The following SESTD1 variants were observed in gnomAD, a reference collection of about 807,000 sequenced individuals.
SESTD1 encodes the protein SEC14 domain and spectrin repeat-containing protein 1.
In SESTD1, 43 loss-of-function variants were observed where a neutral mutation model predicts 101.7. That is an observed-to-expected ratio of 0.42 (90% confidence interval 0.33 to 0.55). SESTD1 has a LOEUF of 0.55. Among genes scored for constraint, SESTD1 ranks in the 20% least tolerant of loss-of-function variants. The pLI, the probability that SESTD1 is intolerant of heterozygous loss-of-function variation, is 0.07. For missense variants in SESTD1, 647 were observed against 815.1 expected, an observed-to-expected ratio of 0.79 and a Z score of 2.51; for synonymous variants, 283 against 286.8, an observed-to-expected ratio of 0.99 and a Z score of 0.13.
At chr2:179,262,803 T>C (rs950206180) in intron 1 of SESTD1, among the ~76,000 whole-genome samples, 3 of 152,206 alleles carry the variant, frequency 2.0e-5, no homozygotes, top group African/African-American at 7.2e-5. Context: ...GATATATCAT[T>C]AGTAGATTAC....
chr2:179,241,923 T>TA (rs534394486), intron 1 of SESTD1, among the ~76,000 whole-genome samples: 10,496 of 71,866 alleles, frequency 0.15, 383 homozygotes, highest in South Asian at 0.17. Flanking sequence ...CATTGTCTCA[T>TA]AAAAAAAAAA....
chr2:179,161,562 G>A (rs2045736728), intron 5 of SESTD1, among the ~76,000 whole-genome samples: 1 of 151,822 alleles, frequency 6.6e-6, no homozygotes, highest in Admixed American at 6.6e-5. Context: ...TCAGGAGGCT[G>A]AGGCAAGGAG....
chr2:179,164,138 G>A (rs1241280860), intron 5 of SESTD1, among the ~76,000 whole-genome samples: 1 of 152,152 alleles, frequency 6.6e-6, no homozygotes, highest in Non-Finnish European at 1.5e-5. Flanking sequence ...TGATGTGTAT[G>A]TCTGCTTGTA....
chr2:179,249,850 T>C (rs2047290078), intron 1 of SESTD1, among the ~76,000 whole-genome samples: 1 of 151,224 alleles, frequency 6.6e-6, no homozygotes, highest in Non-Finnish European at 1.5e-5. Flanking sequence ...AAAGACTGCC[T>C]TTCCTACAAA....
intron 2 of SESTD1, among the ~76,000 whole-genome samples, chr2:179,185,492 T>A (rs2046200293): frequency 7.1e-6 from 1 of 140,746 alleles, no homozygotes; most frequent in Admixed American, 7.4e-5. Flanking sequence ...ATATATACAA[T>A]ATATATTATA....
At chr2:179,129,230 A>T (rs965758365) in intron 10 of SESTD1, among the ~76,000 whole-genome samples, 1 of 152,158 alleles carries the variant, frequency 6.6e-6, no homozygotes, top group Non-Finnish European at 1.5e-5. Flanking sequence ...CAAAATTCTG[A>T]AGTAGTTTCA....
In SESTD1 at chr2:179,105,163, T is replaced by C. The variant is rs376172166; in HGVS notation, c.*4736A>G. 1.4e-5 allele frequency: 2 copies of C among 146,664 alleles called. No homozygotes were observed. The highest frequency in any genetic ancestry group is 5.3e-5 in the African/African-American group (2 of 37,892). 9.1% of individuals were successfully genotyped at this position (146,664 alleles called of 1,614,324 possible). Reference sequence around the variant, plus strand: ...ATAGCCAGCACTAATTGTGGTCTTTTCATGCTTTGTTCTGTTTTTTTTTTT... The same window carrying C: ...ATAGCCAGCACTAATTGTGGTCTTTCCATGCTTTGTTCTGTTTTTTTTTTT... On this transcript the variant is annotated 3_prime_UTR_variant, in exon 18 of 18. Coordinates refer to ENST00000428443, the MANE Select transcript of SESTD1 (RefSeq NM_178123.5).
intron 5 of SESTD1, among the ~76,000 whole-genome samples, chr2:179,159,841 CAAAG>C (rs753300685): frequency 6.6e-6 from 1 of 151,586 alleles, no homozygotes; most frequent in Non-Finnish European, 1.5e-5. Flanking sequence ...AAGAAAAAAA[CAAAG>C]AAAGAAACAT....
At chr2:179,249,056 A>T (rs2047274399) in intron 1 of SESTD1, among the ~76,000 whole-genome samples, 1 of 146,296 alleles carries the variant, frequency 6.8e-6, no homozygotes, top group Non-Finnish European at 1.5e-5. Context: ...GCATCACTGC[A>T]CTCCAGCCTG....
At chr2:179,256,780 C>T (rs1348188952) in intron 1 of SESTD1, among the ~76,000 whole-genome samples, 1 of 146,682 alleles carries the variant, frequency 6.8e-6, no homozygotes, top group African/African-American at 2.6e-5. Context: ...CCACTGAACT[C>T]CAGCCTAGGC....
At chr2:179,255,040 A>G (rs1420084641) in intron 1 of SESTD1, among the ~76,000 whole-genome samples, 1 of 152,172 alleles carries the variant, frequency 6.6e-6, no homozygotes, top group African/African-American at 2.4e-5. Flanking sequence ...TCAAACCCAT[A>G]TAAGATGGCG....
chr2:179,148,114 G>C (rs1209946658), intron 7 of SESTD1, among the ~76,000 whole-genome samples: 6 of 152,152 alleles, frequency 3.9e-5, no homozygotes, highest in Non-Finnish European at 7.4e-5. Context: ...GTTTGACTTT[G>C]TTTTAATCAA....
rs143610726 is a variant in SESTD1, at chr2:179,150,776, C to T, written c.483+502G>A. ...CGGAGGTTGCAGTGAGCTGAGATTGCGCCACAGCACTCCAGCCTGGGCAAC... is the reference window on the plus strand; with the variant it reads ...CGGAGGTTGCAGTGAGCTGAGATTGTGCCACAGCACTCCAGCCTGGGCAAC... On this transcript the variant is annotated intron_variant, in intron 6 of 17. Coordinates refer to ENST00000428443, the MANE Select transcript of SESTD1 (RefSeq NM_178123.5). 9.4e-3 allele frequency among the ~76,000 whole-genome samples: 1,432 copies of T among 151,622 alleles called. 14 individuals carry two copies. The highest frequency in any genetic ancestry group is 0.021 in the South Asian group (103 of 4,816).
intron 1 of SESTD1, among the ~76,000 whole-genome samples, chr2:179,230,745 A>G (rs1311128661): frequency 6.6e-6 from 1 of 152,090 alleles, no homozygotes; most frequent in Non-Finnish European, 1.5e-5. Context: ...AAAAGAAAAT[A>G]TTAGAACAGA....
At chr2:179,115,591 G>GA (rs1269912516) in intron 15 of SESTD1, among the ~76,000 whole-genome samples, 1 of 151,682 alleles carries the variant, frequency 6.6e-6, no homozygotes, top group African/African-American at 2.4e-5. Context: ...CTAAAAAAAT[G>GA]AAAAAAATTA....
chr2:179,253,234 A>C (rs978583466), intron 1 of SESTD1, among the ~76,000 whole-genome samples: 6 of 152,138 alleles, frequency 3.9e-5, no homozygotes, highest in African/African-American at 1.4e-4. Flanking sequence ...AAACAAACAA[A>C]CAAAAAAAAA....
chr2:179,260,692 G>C (rs1238649728), intron 1 of SESTD1, among the ~76,000 whole-genome samples: 1 of 152,114 alleles, frequency 6.6e-6, no homozygotes, highest in Non-Finnish European at 1.5e-5. Context: ...ACCGAAGCCA[G>C]GCATGGATAG....
rs770684461 is a variant in SESTD1 at position 179,215,853 on chromosome 2, C to T, written c.-25-23987G>A. On this transcript the variant is annotated intron_variant, in intron 1 of 17. Transcript: ENST00000428443. The stretch of plus-strand genomic sequence containing the variant: ...GGTTCATCATATGCAAATCAATAAA[C>T]GTAATCCATCACATAAACAGTACCA... 5.2e-5 allele frequency among the ~76,000 whole-genome samples: 7 copies of T among 134,922 alleles called. 1 individual carries two copies. Among genetic ancestry groups the T allele is most frequent in the Non-Finnish European group, 8.0e-5 (5 of 62,766 alleles). 88.5% of individuals were successfully genotyped at this position (134,922 alleles called of 152,430 possible).
chr2:179,172,503 A>G (rs1217773968), intron 4 of SESTD1, among the ~76,000 whole-genome samples: 1 of 152,200 alleles, frequency 6.6e-6, no homozygotes, highest in Non-Finnish European at 1.5e-5. Flanking sequence ...TCTCTGTACT[A>G]GGAATATGTT....
Sources: allele counts gnomAD v4.1 joint callset (sites outside exome capture counted in the v4.1 genomes callset), GRCh38; gene constraint gnomAD v4.1.1; transcripts MANE v1.5; gene names NCBI Gene and HGNC (gene_info 2026-07-23, HGNC 2026-07-21).